The following CNTN4 variants were observed in gnomAD, a reference collection of about 807,000 sequenced individuals.
The protein encoded by CNTN4 is contactin-4.
In CNTN4, 77 loss-of-function variants were observed where a neutral mutation model predicts 122.5. The ratio of observed to expected loss-of-function variants is 0.63; its 90% CI spans 0.52 to 0.76. The LOEUF is 0.76. Among genes scored for constraint, CNTN4 ranks in the 30% least tolerant of loss-of-function variants. The pLI is 0.00. For synonymous variants in CNTN4, 512 were observed against 447.0 expected (o/e 1.15, Z -1.83); for missense variants, 1,256 against 1,259.1 (o/e 1.00, Z 0.04).
intron 13 of CNTN4, among the ~76,000 whole-genome samples, chr3:2,986,007 T>G (rs1694534776): frequency 1.3e-5 from 2 of 149,310 alleles, no homozygotes; most frequent in Non-Finnish European, 3.0e-5. Flanking sequence ...CTCCACCTCC[T>G]AGATTCAAGC....
chr3:2,639,121 T>C (rs1374840380), intron 4 of CNTN4, among the ~76,000 whole-genome samples: 1 of 152,200 alleles, frequency 6.6e-6, no homozygotes, highest in Non-Finnish European at 1.5e-5. Context: ...ACAACATTCT[T>C]TTTTTTCTTC....
rs369884708 is a variant in CNTN4 at position 2,652,678 on chromosome 3, G to A, written c.55+81120G>A. Among the ~76,000 whole-genome samples the A allele has an allele frequency of 5.3e-5, 8 of 151,960 alleles. No homozygotes were observed. In the East Asian group the frequency reaches 1.5e-3, roughly 29 times the overall value. ...GGACTTGTCCAATGAGATGAGAGAA[G>A]CAAGGAAGTAGTAGTACAGGTCTCA... is the stretch of plus-strand genomic sequence containing the variant. On this transcript the variant is annotated intron_variant, in intron 4 of 24. Transcript: ENST00000418658.
intron 3 of CNTN4, among the ~76,000 whole-genome samples, chr3:2,388,185 A>G (rs1288749548): frequency 3.3e-5 from 5 of 152,182 alleles, no homozygotes; most frequent in African/African-American, 1.2e-4. Context: ...AGTACAAACT[A>G]TTTCTGATGA....
intron 12 of CNTN4, among the ~76,000 whole-genome samples, chr3:2,913,336 T>A (rs2094321352): frequency 1.3e-5 from 2 of 152,140 alleles, no homozygotes; most frequent in Admixed American, 1.3e-4. Context: ...CATAAATTGA[T>A]TAAATGCCCC....
intron 4 of CNTN4, among the ~76,000 whole-genome samples, chr3:2,704,468 C>A (rs1408647337): frequency 6.6e-6 from 1 of 151,832 alleles, no homozygotes; most frequent in Admixed American, 6.6e-5. Context: ...AAAATGATTT[C>A]CAATGGCAGA....
intron 4 of CNTN4, among the ~76,000 whole-genome samples, chr3:2,621,102 C>G (rs772689956): frequency 6.6e-6 from 1 of 152,088 alleles, no homozygotes; most frequent in Non-Finnish European, 1.5e-5. Flanking sequence ...TTAGACAGGT[C>G]CTGCAAAAAT....
chr3:2,952,967 A>G (rs144517622), intron 13 of CNTN4, among the ~76,000 whole-genome samples: 1 of 152,196 alleles, frequency 6.6e-6, no homozygotes, highest in Non-Finnish European at 1.5e-5. Context: ...TCTCCAGCTC[A>G]TTGTCATTCT....
At chr3:2,503,541 C>A (rs114894605) in intron 3 of CNTN4, among the ~76,000 whole-genome samples, 2 of 152,056 alleles carry the variant, frequency 1.3e-5, no homozygotes, top group African/African-American at 4.8e-5. Flanking sequence ...CTATCATTAT[C>A]CCCATTTTAC....
chr3:2,153,718 C>G (rs928505458), intron 2 of CNTN4, among the ~76,000 whole-genome samples: 1 of 152,078 alleles, frequency 6.6e-6, no homozygotes, highest in Admixed American at 6.5e-5. Flanking sequence ...AGATATTGCT[C>G]TGACTGCTGT....
intron 2 of CNTN4, among the ~76,000 whole-genome samples, chr3:2,310,013 C>T (rs76744988): frequency 0.018 from 2,708 of 152,202 alleles, 82 homozygotes; most frequent in African/African-American, 0.062. Context: ...GTCCCTACCT[C>T]TTTTTATATC....
At chr3:2,614,438 T>C (rs938363907) in intron 4 of CNTN4, among the ~76,000 whole-genome samples, 1 of 152,120 alleles carries the variant, frequency 6.6e-6, no homozygotes, top group Admixed American at 6.6e-5. Context: ...ACATACTGGA[T>C]AAGGTATGGG....
At chr3:2,253,149 A>AG (rs139582084) in intron 2 of CNTN4, among the ~76,000 whole-genome samples, 16,406 of 152,158 alleles carry the variant, frequency 0.11, 1,068 homozygotes, top group Middle Eastern at 0.15. Context: ...TGGTCAAGGT[A>AG]ACTAGATAAT....
At chr3:2,671,419 G>A (rs935305941) in intron 4 of CNTN4, among the ~76,000 whole-genome samples, 14 of 152,052 alleles carry the variant, frequency 9.2e-5, no homozygotes, top group East Asian at 3.9e-4. Flanking sequence ...CATAGTTCTC[G>A]TGCCATGGTT....
chr3:3,033,362 A>C (rs890321127), intron 16 of CNTN4, among the ~76,000 whole-genome samples: 3 of 152,200 alleles, frequency 2.0e-5, no homozygotes, highest in African/African-American at 7.2e-5. Flanking sequence ...GGAGAAGATA[A>C]ATTTAGTCTC....
At chr3:2,354,502 G>T (rs985470813) in intron 3 of CNTN4, among the ~76,000 whole-genome samples, 6 of 152,204 alleles carry the variant, frequency 3.9e-5, no homozygotes, top group African/African-American at 1.4e-4. Flanking sequence ...CTGCACTGCA[G>T]CCTGGGTGGC....
chr3:2,497,629 A>T (rs1346478636), intron 3 of CNTN4, among the ~76,000 whole-genome samples: 2 of 152,172 alleles, frequency 1.3e-5, no homozygotes, highest in African/African-American at 4.8e-5. Flanking sequence ...GAAATTTCAT[A>T]TATTTTGTAT....
chr3:3,027,526 A>G (rs1045246124), intron 15 of CNTN4, among the ~76,000 whole-genome samples: 1 of 152,218 alleles, frequency 6.6e-6, no homozygotes, highest in South Asian at 2.1e-4. Context: ...CTAGGAAAGT[A>G]CATAGCCCAA....
At chr3:2,129,873 T>G (rs564672013) in intron 2 of CNTN4, among the ~76,000 whole-genome samples, 2 of 152,134 alleles carry the variant, frequency 1.3e-5, no homozygotes, top group South Asian at 4.1e-4. Flanking sequence ...ATTGGTGGCT[T>G]TGTTAATGAA....
At position 3,056,344 on chromosome 3, in the gene CNTN4, T is replaced by C; in HGVS notation, c.*124T>C. On this transcript the variant is annotated 3_prime_UTR_variant, in exon 25 of 25. Coordinates refer to ENST00000418658, the MANE Select transcript of CNTN4 (RefSeq NM_175607.3). ...ATCTTATTACTGGAATAAAAATGTT[T>C]TTTGCTTCTTTAGGAATGGCATTAT... The C allele has an allele frequency of 1.3e-6, 1 of 784,996 alleles. No individual in the cohort carries two copies. The highest frequency in any genetic ancestry group is 2.2e-6 in the Non-Finnish European group (1 of 461,316). 48.6% of individuals were successfully genotyped at this position (784,996 alleles called of 1,614,324 possible). A position where few individuals can be genotyped will look rare whatever the true frequency, so the allele number is the denominator to read the frequency against.
Sources: allele counts gnomAD v4.1 joint callset (sites outside exome capture counted in the v4.1 genomes callset), GRCh38; gene constraint gnomAD v4.1.1; transcripts MANE v1.5; gene names NCBI Gene and HGNC (gene_info 2026-07-23, HGNC 2026-07-21).